FLNC: variants seen among roughly 807,000 people sequenced by gnomAD.
The protein encoded by FLNC is filamin C.
In FLNC, 91 loss-of-function variants were observed where a neutral mutation model predicts 254.3. That is an observed-to-expected ratio of 0.36 (90% CI 0.30 to 0.43). FLNC has a LOEUF of 0.43. Ranked by LOEUF, FLNC falls within the 20% of genes least tolerant of loss-of-function variation. The probability of loss-of-function intolerance (pLI) is 1.00; values close to 1 mark genes in which losing one functional copy is unlikely to be tolerated. For missense variants in FLNC, 2,853 were observed against 3,802.6 expected (o/e 0.75, Z 6.57); for synonymous variants, 1,430 against 1,577.2 (o/e 0.91, Z 2.21).
chr7:128,833,485 A>G (rs1182931022), intron 1 of FLNC, among the ~76,000 whole-genome samples: 1 of 151,968 alleles, frequency 6.6e-6, no homozygotes, highest in East Asian at 1.9e-4. Flanking sequence ...TTGCTTCCAG[A>G]GTGGGACTTG....
At position 128,845,091 on chromosome 7, in the gene FLNC, ATGGC is replaced by A. The variant is rs1808503957; in HGVS notation, c.3627_3630del (p.Asp1209GlufsTer60). 6.2e-7 allele frequency: 1 copy of A among 1,613,690 alleles called. No individual in the cohort carries two copies. Among genetic ancestry groups the A allele is most frequent in the Admixed American group, 1.7e-5 (1 of 59,954 alleles). On this transcript the variant is annotated frameshift_variant, in exon 21 of 48. Transcript: ENST00000325888. LOFTEE classifies it high-confidence loss of function. ...GAGGTGCTGATCCACAACAACGCGG[ATGGC>A]ACCTACCACATCACCTACAGCCCTG...
At position 128,854,686 on chromosome 7, in the gene FLNC, A is replaced by G. The variant is rs1227552125; in HGVS notation, c.6997+4A>G. ...CGAGGTGTGGCCGGCGTGCCAGGTA[A>G]GGGGCAGGTGGCCAGGAGTGGGGAT... On this transcript the variant is annotated splice_donor_region_variant and intron_variant, in intron 41 of 47. Coordinates refer to ENST00000325888, the MANE Select transcript of FLNC (RefSeq NM_001458.5). 11 of 1,612,430 alleles carry G rather than the reference A, an allele frequency of 6.8e-6. No homozygotes were observed. Among genetic ancestry groups the G allele is most frequent in the Non-Finnish European group, 9.3e-6 (11 of 1,179,352 alleles).
intron 42 of FLNC, 53 bp from the exon 43 acceptor site, chr7:128,855,146 C>T (rs1008584702): frequency 7.5e-7 from 1 of 1,336,792 alleles, no homozygotes; most frequent in Non-Finnish European, 1.1e-6. Flanking sequence ...GGGGAGGCTC[C>T]CGCCCTGCCA....
At chr7:128,839,910 C>A in intron 8 of FLNC, 113 bp from the exon 9 acceptor site, 2 of 1,368,324 alleles carry the variant, frequency 1.5e-6, no homozygotes, top group South Asian at 1.2e-5. Flanking sequence ...AGAGCAGGGC[C>A]GTGGGCCACT....
chr7:128,849,716 T>G (rs1585164864), intron 30 of FLNC, 138 bp downstream of exon 30: 10 of 1,206,558 alleles, frequency 8.3e-6, no homozygotes, highest in Non-Finnish European at 1.1e-5. Context: ...TGCTCCAGGA[T>G]GGAGCCTTAA....
chr7:128,848,517 G>A (rs374302033), intron 26 of FLNC, 44 bp from the exon 27 acceptor site: 67 of 1,591,536 alleles, frequency 4.2e-5, no homozygotes, highest in Admixed American at 1.3e-4. Flanking sequence ...CCACCGCCCC[G>A]TCCATGCCAC....
Position 128,830,591 on chromosome 7 carries a change from C to A in FLNC, c.-47C>A. 2 of 1,571,306 alleles carry A rather than the reference C, an allele frequency of 1.3e-6. No individual in the cohort carries two copies. The highest frequency in any genetic ancestry group is 1.7e-6 in the Non-Finnish European group (2 of 1,148,064). On this transcript the variant is annotated 5_prime_UTR_variant, in exon 1 of 48. Transcript: ENST00000325888. ...AACAGCGCCCGACAGCCCCCGATAG[C>A]CCAAACCGCGGCCCTAGCCCCGGCC...
intron 22 of FLNC, 35 bp from the exon 23 acceptor site, chr7:128,846,266 A>G: frequency 1.9e-6 from 3 of 1,613,002 alleles, no homozygotes; most frequent in Non-Finnish European, 2.5e-6. Flanking sequence ...GGGGGCGCAC[A>G]CTCCCTGATT....
Position 128,858,802 on chromosome 7 carries a change from T to TG in FLNC, c.*281dup, listed in dbSNP as rs1809182757. ...GGGCAGAGGCTGGGACACAAGGGGC[T>TG]GGCGAGGGCTGCGAGGCCAGGGAAG... On this transcript the variant is annotated 3_prime_UTR_variant, in exon 48 of 48. Coordinates refer to ENST00000325888, the MANE Select transcript of FLNC (RefSeq NM_001458.5). This position sits in a 1 kb window ranked among gnomAD's most constrained non-coding sequence, Gnocchi z 6.7. 1 of 513,804 alleles carries TG rather than the reference T, an allele frequency of 1.9e-6. No homozygotes were observed. Among genetic ancestry groups the TG allele is most frequent in the Admixed American group, 3.2e-5 (1 of 30,944 alleles). 31.8% of individuals were successfully genotyped at this position (513,804 alleles called of 1,614,324 possible). A position where few individuals can be genotyped will look rare whatever the true frequency, so the allele number is the denominator to read the frequency against.
chr7:128,848,963 C>T lies in FLNC; in HGVS notation c.4908C>T (p.Ala1636=). The part of the protein sequence containing the change: ...FRIHALPTGD[A]SKCLVTVSIG... ...TCCATGCTCTGCCCACTGGGGATGC[C>T]AGCAAGTGCCTCGTCACAGGTGGGT... The change falls in exon 28 of 48, where the codon GCC becomes GCT. Residue 1636 remains alanine (A), a synonymous_variant. Transcript: ENST00000325888. The T allele has an allele frequency of 1.2e-6, 2 of 1,612,092 alleles. No homozygotes were observed. Among genetic ancestry groups the T allele is most frequent in the Non-Finnish European group, 1.7e-6 (2 of 1,179,018 alleles).
At position 128,842,820 on chromosome 7, in the gene FLNC, G is replaced by A. The variant is rs1386986739; in HGVS notation, c.2416G>A (p.Ala806Thr). ...QGDVSIGIKCAPGVVGPAEAD... is the reference protein window; with the variant it reads ...QGDVSIGIKCTPGVVGPAEAD... ...CGACGTGAGCATCGGCATCAAGTGC[G>A]CCCCAGGCGTGGTGGGCCCTGCAGA... Residue 806 changes from alanine to threonine, a missense_variant, in exon 16 of 48, where the codon GCC (alanine) becomes ACC (threonine). Around this residue, in one of 10 missense-constraint regions of FLNC, gnomAD observed 1,573 missense variants for 1,883.5 expected, o/e 0.84. Coordinates refer to ENST00000325888, the MANE Select transcript of FLNC (RefSeq NM_001458.5). The surrounding 1 kb of genome is among the most constrained non-coding windows in gnomAD (Gnocchi z 5.4). 2 of 1,613,738 alleles carry A rather than the reference G, an allele frequency of 1.2e-6. No individual in the cohort carries two copies. The highest frequency in any genetic ancestry group is 1.7e-5 in the Admixed American group (1 of 60,010).
At chr7:128,832,328 A>G (rs1807925488) in intron 1 of FLNC, among the ~76,000 whole-genome samples, 1 of 151,970 alleles carries the variant, frequency 6.6e-6, no homozygotes, top group Non-Finnish European at 1.5e-5. Flanking sequence ...GGGGTGGGGG[A>G]GGGAGCCTGG....
intron 9 of FLNC, 21 bp from the exon 10 acceptor site, chr7:128,840,527 A>G (rs1585155590): frequency 6.2e-7 from 1 of 1,613,882 alleles, no homozygotes; most frequent in East Asian, 2.2e-5. Flanking sequence ...CTTCTTCCCC[A>G]CCCTGCCCCC....
chr7:128,845,476 G>A (rs999552494), intron 21 of FLNC, among the ~76,000 whole-genome samples: 1 of 152,188 alleles, frequency 6.6e-6, no homozygotes, highest in African/African-American at 2.4e-5. Context: ...TGGCAAAACT[G>A]CACCTGCCTC....
chr7:128,833,326 T>G (rs551797251), intron 1 of FLNC, among the ~76,000 whole-genome samples: 2 of 152,350 alleles, frequency 1.3e-5, no homozygotes, highest in African/African-American at 4.8e-5. Context: ...ATTTGAGGCC[T>G]GGGGTGGCCT....
At position 128,830,547 on chromosome 7, in the gene FLNC, A is replaced by T; in HGVS notation, c.-91A>T. On this transcript the variant is annotated 5_prime_UTR_variant, in exon 1 of 48. Transcript: ENST00000325888. ...GAGAGGAGAGCAGCGCAGCGCAGCG[A>T]GTCCCGTGGTCGCGCCCCAACAGCG... 9.6e-7 allele frequency: 1 copy of T among 1,044,656 alleles called. No homozygotes were observed. The highest frequency in any genetic ancestry group is 1.5e-6 in the Non-Finnish European group (1 of 689,160). 64.7% of individuals were successfully genotyped at this position (1,044,656 alleles called of 1,614,324 possible).
At position 128,844,827 on chromosome 7, in the gene FLNC, A is replaced by G. The variant is rs1174743829; in HGVS notation, c.3362A>G (p.Tyr1121Cys). The G allele has an allele frequency of 1.2e-6, 2 of 1,614,094 alleles. No homozygotes were observed. The highest frequency in any genetic ancestry group is 1.7e-6 in the Non-Finnish European group (2 of 1,180,028). Residue 1121 changes from tyrosine (Y) to cysteine (C), a missense_variant, in exon 21 of 48, where the codon TAC becomes TGC. Physicochemically the swap from Tyr to Cys is radical, Grantham distance 194. Transcript: ENST00000325888. ...GGTGATGGCTCATGTGCTGTCAGCT[A>G]CCTGCCCACGGAGCCTGGCGAGTAC... ...DNGDGSCAVS[Y>C]LPTEPGEYTI...
rs1010774264 is a variant in FLNC at position 128,842,672 on chromosome 7, C to G, written c.2363C>G (p.Thr788Arg). Residue 788 changes from threonine (T) to arginine (R), a missense_variant, in exon 15 of 48, where the codon ACG becomes AGG. Transcript: ENST00000325888. This position sits in a 1 kb window ranked among gnomAD's most constrained non-coding sequence, Gnocchi z 5.4. ...GLKANEPTYF[T>R]VDCSEAGQGD... ...AAGGCCAATGAGCCCACCTACTTCACGGTGGACTGCAGCGAGGCGGGGCAA... is the reference window on the plus strand; with the variant it reads ...AAGGCCAATGAGCCCACCTACTTCAGGGTGGACTGCAGCGAGGCGGGGCAA... The G allele has an allele frequency of 2.1e-6, 3 of 1,451,488 alleles. No individual in the cohort carries two copies. The highest frequency in any genetic ancestry group is 2.1e-5 in the Admixed American group (1 of 47,612). The allele number at this position is 1,451,488 out of a possible 1,614,324, so 89.9% of individuals were successfully genotyped here. A position where few individuals can be genotyped will look rare whatever the true frequency, so the allele number is the denominator to read the frequency against.
chr7:128,842,808 G>A lies in FLNC; in HGVS notation c.2404G>A (p.Gly802Ser), dbSNP rs371398126. 1.5e-5 allele frequency: 25 copies of A among 1,613,606 alleles called. No individual in the cohort carries two copies. The highest frequency in any genetic ancestry group is 2.0e-5 in the Non-Finnish European group (24 of 1,180,006). ...CTTCTCTGCAGGCGACGTGAGCATC[G>A]GCATCAAGTGCGCCCCAGGCGTGGT... ...SEAGQGDVSI[G>S]IKCAPGVVGP... is the part of the protein sequence containing the mutation. The change falls in exon 16 of 48, where the codon GGC (glycine) becomes AGC (serine). Residue 802 changes from glycine (G) to serine (S), a missense_variant. Gly to Ser is a moderately conservative substitution (Grantham distance 56, BLOSUM62 0). Around this residue, in one of 10 missense-constraint regions of FLNC, gnomAD observed 1,573 missense variants for 1,883.5 expected, o/e 0.84. Transcript: ENST00000325888. This position sits in a 1 kb window ranked among gnomAD's most constrained non-coding sequence, Gnocchi z 5.4.
Sources: allele counts gnomAD v4.1 joint callset (sites outside exome capture counted in the v4.1 genomes callset), GRCh38; gene constraint gnomAD v4.1.1; regional missense constraint gnomAD v4.1.1; non-coding constraint Gnocchi (gnomAD v3.1); transcripts MANE v1.5; gene names NCBI Gene and HGNC (gene_info 2026-07-23, HGNC 2026-07-21).